Variants in PLCE1 observed in about 807,000 individuals in gnomAD.
PLCE1 encodes phospholipase C epsilon 1.
PLCE1 carries 119 observed loss-of-function variants against 242.8 expected under a neutral mutation model. That is an observed-to-expected ratio of 0.49 (90% CI 0.42 to 0.57). PLCE1 has a LOEUF of 0.57. Ranked by LOEUF, PLCE1 falls within the 20% of genes least tolerant of loss-of-function variation. The pLI is 0.00. For missense variants in PLCE1, 2,441 were observed against 2,788.8 expected, an observed-to-expected ratio of 0.88 and a Z score of 2.81; for synonymous variants, 945 against 1,017.4, an observed-to-expected ratio of 0.93 and a Z score of 1.35.
chr10:94,258,130 T>C (rs996264905), intron 11 of PLCE1, among the ~76,000 whole-genome samples: 3 of 152,188 alleles, frequency 2.0e-5, no homozygotes, highest in Non-Finnish European at 4.4e-5. Context: ...TCCATTCTTT[T>C]TTAAATTTTC....
intron 2 of PLCE1, among the ~76,000 whole-genome samples, chr10:94,072,426 G>A (rs1589960424): frequency 6.6e-6 from 1 of 152,066 alleles, no homozygotes; most frequent in East Asian, 1.9e-4. Flanking sequence ...ACAGGCACCC[G>A]CCACCATGCC....
intron 2 of PLCE1, among the ~76,000 whole-genome samples, chr10:94,125,597 C>T (rs1202206387): frequency 2.6e-5 from 4 of 152,052 alleles, no homozygotes; most frequent in Non-Finnish European, 4.4e-5. Flanking sequence ...AGCTGTTCTG[C>T]GGTTTAATTG....
chr10:94,191,173 C>T (rs1031368171), intron 4 of PLCE1, among the ~76,000 whole-genome samples: 2 of 152,178 alleles, frequency 1.3e-5, no homozygotes, highest in Non-Finnish European at 2.9e-5. Context: ...CTGAGAAGTA[C>T]ATTAACAGAG....
At chr10:94,047,345 C>A (rs534934916) in intron 2 of PLCE1, among the ~76,000 whole-genome samples, 1 of 152,152 alleles carries the variant, frequency 6.6e-6, no homozygotes, top group Admixed American at 6.6e-5. Context: ...GTCTCCCTAC[C>A]AGTGAGAAGG....
At chr10:94,157,053 G>A (rs1273122930) in intron 3 of PLCE1, among the ~76,000 whole-genome samples, 1 of 152,126 alleles carries the variant, frequency 6.6e-6, no homozygotes, top group Non-Finnish European at 1.5e-5. Flanking sequence ...CATTAGTACA[G>A]TGTGTGGCAG....
chr10:94,296,738 T>C (rs2052834237), intron 23 of PLCE1, among the ~76,000 whole-genome samples: 1 of 152,250 alleles, frequency 6.6e-6, no homozygotes, highest in African/African-American at 2.4e-5. Flanking sequence ...GTAGCACTTT[T>C]AATTTCCTTC....
chr10:94,312,247 C>A (rs1202967172), intron 27 of PLCE1, among the ~76,000 whole-genome samples: 2 of 152,188 alleles, frequency 1.3e-5, no homozygotes, highest in African/African-American at 4.8e-5. Context: ...CTCCTCCCCA[C>A]CCCAAATAAA....
chr10:94,101,806 G>T (rs1376169073), intron 2 of PLCE1, among the ~76,000 whole-genome samples: 1 of 152,210 alleles, frequency 6.6e-6, no homozygotes, highest in Admixed American at 6.5e-5. Flanking sequence ...GAAGGGGTCT[G>T]GCCCGGAAGG....
chr10:94,171,072 G>A (rs1381488183), intron 3 of PLCE1, 108 bp from the exon 4 acceptor site: 1 of 928,336 alleles, frequency 1.1e-6, no homozygotes, highest in Non-Finnish European at 1.8e-6. Flanking sequence ...TCACTAAGCA[G>A]AGGATTTGGT....
At chr10:94,128,461 G>T (rs2135863776) in intron 2 of PLCE1, among the ~76,000 whole-genome samples, 1 of 152,304 alleles carries the variant, frequency 6.6e-6, no homozygotes, top group South Asian at 2.1e-4. Flanking sequence ...GTTCTTTGTG[G>T]TGAGGGTATT....
intron 2 of PLCE1, among the ~76,000 whole-genome samples, chr10:94,078,523 T>C (rs1278135888): frequency 6.6e-6 from 1 of 152,014 alleles, no homozygotes; most frequent in African/African-American, 2.4e-5. Flanking sequence ...AGTCTCGCTC[T>C]GTCACCTAGG....
At chr10:94,013,289 C>T (rs1382131194) in intron 1 of PLCE1, among the ~76,000 whole-genome samples, 1 of 152,150 alleles carries the variant, frequency 6.6e-6, no homozygotes, top group Admixed American at 6.5e-5. Context: ...AGACAAATCT[C>T]CACTCCACCT....
At chr10:94,097,637 G>A (rs1276173460) in intron 2 of PLCE1, among the ~76,000 whole-genome samples, 1 of 152,226 alleles carries the variant, frequency 6.6e-6, no homozygotes, top group Non-Finnish European at 1.5e-5. Flanking sequence ...GCCTATTTGA[G>A]ACAGGGATGT....
rs777143873 is a variant in PLCE1, at chr10:94,324,501, G to A, written c.6654G>A (p.Val2218=). ...GGGTCCTTCTGGATCAGGAGTGTGT[G>A]TTTCAAGCCCAAAGCAAGTGGAAAG... The part of the protein sequence containing the change: ...SQRVLLDQEC[V]FQAQSKWKGA... The change falls in exon 31 of 33, where the codon GTG becomes GTA. Residue 2218 remains valine (V), a synonymous_variant. Transcript: ENST00000371380. 3 of 1,614,190 alleles carry A rather than the reference G, an allele frequency of 1.9e-6. No homozygotes were observed. The highest frequency in any genetic ancestry group is 1.7e-6 in the Non-Finnish European group (2 of 1,180,032).
intron 1 of PLCE1, among the ~76,000 whole-genome samples, chr10:94,012,668 G>A (rs1163421961): frequency 6.6e-6 from 1 of 152,110 alleles, no homozygotes; most frequent in African/African-American, 2.4e-5. Flanking sequence ...AAGTGGGAGA[G>A]TGGCTGCTGC....
intron 2 of PLCE1, chr10:94,089,127 CTT>C (rs2044957795): frequency 1.2e-6 from 2 of 1,613,936 alleles, no homozygotes; most frequent in Non-Finnish European, 1.7e-6. Flanking sequence ...CAGGAAGAGA[CTT>C]TGCAGGAATG....
chr10:94,220,219 CAT>C (rs1173571690), intron 4 of PLCE1, among the ~76,000 whole-genome samples: 2 of 150,692 alleles, frequency 1.3e-5, no homozygotes, highest in South Asian at 2.1e-4. Context: ...CACACACACA[CAT>C]ACACACACAC....
At chr10:94,089,084 C>T (rs996919511) in intron 2 of PLCE1, 13 of 1,612,322 alleles carry the variant, frequency 8.1e-6, no homozygotes, top group Middle Eastern at 3.3e-4. Flanking sequence ...TTCAGTGGGT[C>T]GTGGTGATTA....
chr10:94,101,342 A>G (rs1283187846), intron 2 of PLCE1, among the ~76,000 whole-genome samples: 1 of 152,260 alleles, frequency 6.6e-6, no homozygotes. Context: ...AAAAAAAAAT[A>G]AAGTAATACT....
Sources: allele counts gnomAD v4.1 joint callset (sites outside exome capture counted in the v4.1 genomes callset), GRCh38; gene constraint gnomAD v4.1.1; transcripts MANE v1.5; gene names NCBI Gene and HGNC (gene_info 2026-07-23, HGNC 2026-07-21).